FUCA2: variants seen among roughly 807,000 people sequenced by gnomAD.
FUCA2 encodes the protein alpha-L-fucosidase 2.
Under a neutral mutation model 52.6 loss-of-function variants are expected in FUCA2, and 41 were observed. The observed-to-expected ratio is 0.78, with a 90% CI of 0.61 to 1.01. FUCA2 has a LOEUF of 1.01. Among genes scored for constraint, FUCA2 ranks in the 50% least tolerant of loss-of-function variants. The pLI, the probability that FUCA2 is intolerant of heterozygous loss-of-function variation, is 0.00. For missense variants in FUCA2, 507 were observed against 569.5 expected (o/e 0.89, Z 1.12); for synonymous variants, 211 against 217.3 (o/e 0.97, Z 0.26).
Position 143,500,026 on chromosome 6 carries a change from A to G in FUCA2, c.1154+1906T>C, listed in dbSNP as rs112841517. Among the ~76,000 whole-genome samples the G allele has an allele frequency of 4.9e-3, 752 of 152,028 alleles. 3 individuals are homozygous for G. The highest frequency in any genetic ancestry group is 0.017 in the Middle Eastern group (5 of 294). Reference sequence around the variant, plus strand: ...TGACCTTAAAGCCAAAAGTGAGATAATTTTACATTGTATGTGTCTGGGTGC... The same window carrying G: ...TGACCTTAAAGCCAAAAGTGAGATAGTTTTACATTGTATGTGTCTGGGTGC... On this transcript the variant is annotated intron_variant, in intron 5 of 6. Transcript: ENST00000002165. The surrounding 1 kb of genome is among the most constrained non-coding windows in gnomAD (Gnocchi z 6.9).
In FUCA2 at chr6:143,495,983, C is replaced by G; in HGVS notation, c.1264-136G>C. The stretch of plus-strand genomic sequence containing the variant: ...TCATTTTTACCTTTATTTAGTGATT[C>G]ACAATCACTCTTCATCCAATTGAGT... On this transcript the variant is annotated intron_variant, in intron 6 of 6. Coordinates refer to ENST00000002165, the MANE Select transcript of FUCA2 (RefSeq NM_032020.5). This position sits in a 1 kb window ranked among gnomAD's most constrained non-coding sequence, Gnocchi z 5.2. The G allele has an allele frequency of 1.3e-6, 1 of 777,932 alleles. No individual in the cohort carries two copies. The highest frequency in any genetic ancestry group is 2.1e-6 in the Non-Finnish European group (1 of 485,352). The allele number at this position is 777,932 out of a possible 1,614,324, so 48.2% of individuals were successfully genotyped here.
At position 143,502,054 on chromosome 6, in the gene FUCA2, G is replaced by C. The variant is rs1332718088; in HGVS notation, c.1032C>G (p.Thr344=). ...LMNIGPTLDG[T]ISVVFEERLR... is the part of the protein sequence containing the mutation. Reference sequence around the variant, plus strand: ...GTCGCTCCTCAAAAACTACAGAAATGGTGCCATCTAGTGTGGGCCCAATAT... The same window carrying C: ...GTCGCTCCTCAAAAACTACAGAAATCGTGCCATCTAGTGTGGGCCCAATAT... Residue 344 remains threonine, a synonymous_variant, in exon 5 of 7, where the codon ACC becomes ACG. Transcript: ENST00000002165. This position sits in a 1 kb window ranked among gnomAD's most constrained non-coding sequence, Gnocchi z 4.1. 1 of 1,613,506 alleles carries C rather than the reference G, an allele frequency of 6.2e-7. No homozygotes were observed. The highest frequency in any genetic ancestry group is 1.3e-5 in the African/African-American group (1 of 74,790).
In FUCA2 at chr6:143,503,621, A is replaced by G. The variant is rs1232781481; in HGVS notation, c.752+292T>C. Reference sequence around the variant, plus strand: ...AATAGAGGCCATAAAGGACCAGGGTAGGAGAGAAAAAGGGGGGACCCACAA... The same window carrying G: ...AATAGAGGCCATAAAGGACCAGGGTGGGAGAGAAAAAGGGGGGACCCACAA... On this transcript the variant is annotated intron_variant, in intron 3 of 6. Coordinates refer to ENST00000002165, the MANE Select transcript of FUCA2 (RefSeq NM_032020.5). The surrounding 1 kb of genome is among the most constrained non-coding windows in gnomAD (Gnocchi z 4.8). The G allele has an allele frequency of 3.3e-6, 1 of 301,680 alleles. No homozygotes were observed. The highest frequency in any genetic ancestry group is 6.2e-6 in the Non-Finnish European group (1 of 161,984). 18.7% of individuals were successfully genotyped at this position (301,680 alleles called of 1,614,324 possible). A position where few individuals can be genotyped will look rare whatever the true frequency, so the allele number is the denominator to read the frequency against.
chr6:143,511,600 G>A lies in FUCA2; in HGVS notation c.35C>T (p.Pro12Leu), dbSNP rs1269541128. 8 of 1,548,754 alleles carry A rather than the reference G, an allele frequency of 5.2e-6. No homozygotes were observed. Among genetic ancestry groups the A allele is most frequent in the Non-Finnish European group, 7.0e-6 (8 of 1,146,466 alleles). The part of the protein sequence containing the change: ...RPQELPRLAF[P>L]LLLLLLLLLP... ...CAGCAGCAACAGCAACAGCAGCAACGGGAACGCGAGCCTGGGGAGCTCCTG... is the reference window on the plus strand; with the variant it reads ...CAGCAGCAACAGCAACAGCAGCAACAGGAACGCGAGCCTGGGGAGCTCCTG... Residue 12 changes from proline (P) to leucine (L), a missense_variant, in exon 1 of 7, where the codon CCG becomes CTG. Pro to Leu is a moderately conservative substitution (Grantham distance 98, BLOSUM62 -3). Coordinates refer to ENST00000002165, the MANE Select transcript of FUCA2 (RefSeq NM_032020.5). This position sits in a 1 kb window ranked among gnomAD's most constrained non-coding sequence, Gnocchi z 6.3.
chr6:143,496,795 G>A (rs1442674034), intron 6 of FUCA2: 1 of 152,126 alleles, frequency 6.6e-6, no homozygotes, highest in African/African-American at 2.4e-5. Context: ...AGTTTTATGA[G>A]AAGAATCATT....
At chr6:143,498,457 T>C (rs894840365) in intron 5 of FUCA2, among the ~76,000 whole-genome samples, 1 of 152,092 alleles carries the variant, frequency 6.6e-6, no homozygotes, top group Non-Finnish European at 1.5e-5. Flanking sequence ...GAAGACTTCT[T>C]AGAGGTGGCA....
In FUCA2 at chr6:143,503,719, T is replaced by G. The variant is rs1780561545; in HGVS notation, c.752+194A>C. On this transcript the variant is annotated intron_variant, in intron 3 of 6. Coordinates refer to ENST00000002165, the MANE Select transcript of FUCA2 (RefSeq NM_032020.5). The surrounding 1 kb of genome is among the most constrained non-coding windows in gnomAD (Gnocchi z 4.8). Reference sequence around the variant, plus strand: ...CAAAATCAGACCATTGAGTTGGATTTTACTCCTGATTTATTTACCCTTGAT... The same window carrying G: ...CAAAATCAGACCATTGAGTTGGATTGTACTCCTGATTTATTTACCCTTGAT... 1 of 513,330 alleles carries G rather than the reference T, an allele frequency of 1.9e-6. No homozygotes were observed. Among genetic ancestry groups the G allele is most frequent in the Non-Finnish European group, 3.4e-6 (1 of 294,404 alleles). The allele number at this position is 513,330 out of a possible 1,614,324, so 31.8% of individuals were successfully genotyped here.
In FUCA2 at chr6:143,507,520, T is replaced by C; in HGVS notation, c.225-96A>G. Reference sequence around the variant, plus strand: ...CCTTACCATTTACCCCTCACACAGATAGGACCCAGATTCTCTTTCTCACTT... The same window carrying C: ...CCTTACCATTTACCCCTCACACAGACAGGACCCAGATTCTCTTTCTCACTT... On this transcript the variant is annotated intron_variant, in intron 1 of 6. Coordinates refer to ENST00000002165, the MANE Select transcript of FUCA2 (RefSeq NM_032020.5). The surrounding 1 kb of genome is among the most constrained non-coding windows in gnomAD (Gnocchi z 4.5). 2 of 852,044 alleles carry C rather than the reference T, an allele frequency of 2.3e-6. No individual in the cohort carries two copies. The highest frequency in any genetic ancestry group is 6.1e-5 in the Admixed American group (2 of 32,986). The allele number at this position is 852,044 out of a possible 1,614,324, so 52.8% of individuals were successfully genotyped here. A position where few individuals can be genotyped will look rare whatever the true frequency, so the allele number is the denominator to read the frequency against.
In FUCA2 at chr6:143,497,082, C is replaced by A. The variant is rs987112562; in HGVS notation, c.1263+307G>T. 29 of 228,044 alleles carry A rather than the reference C, an allele frequency of 1.3e-4. No homozygotes were observed. The highest frequency in any genetic ancestry group is 5.8e-4 in the African/African-American group (25 of 43,342). 14.1% of individuals were successfully genotyped at this position (228,044 alleles called of 1,614,324 possible). On this transcript the variant is annotated intron_variant, in intron 6 of 6. Coordinates refer to ENST00000002165, the MANE Select transcript of FUCA2 (RefSeq NM_032020.5). This position sits in a 1 kb window ranked among gnomAD's most constrained non-coding sequence, Gnocchi z 5.3. ...TCAAGCAATCCTCCTGCCTCAGCCT[C>A]CTGAGTAACTAGGACTACAGGTGCG... is the stretch of plus-strand genomic sequence containing the variant.
chr6:143,496,213 T>C (rs1450802573), intron 6 of FUCA2: 4 of 184,710 alleles, frequency 2.2e-5, no homozygotes, highest in Non-Finnish European at 4.5e-5. Context: ...CCAGATTTTC[T>C]AATAACCTCC....
rs750441314 is a variant in FUCA2, at chr6:143,511,570, G to GGCA, written c.62_64dup (p.Leu21dup). On this transcript the variant is annotated inframe_insertion, in exon 1 of 7. Transcript: ENST00000002165. This position sits in a 1 kb window ranked among gnomAD's most constrained non-coding sequence, Gnocchi z 6.3. ...GCTGTGGGCAGGGCACGGCGGCGGC[G>GGCA]GCAGCAGCAGCAACAGCAACAGCAG... is the stretch of plus-strand genomic sequence containing the variant. The GGCA allele has an allele frequency of 9.0e-6, 14 of 1,562,738 alleles. No individual in the cohort carries two copies. The highest frequency in any genetic ancestry group is 1.2e-5 in the Non-Finnish European group (14 of 1,154,402).
In FUCA2 at chr6:143,502,989, T is replaced by C. The variant is rs917105467; in HGVS notation, c.753-424A>G. On this transcript the variant is annotated intron_variant, in intron 3 of 6. Transcript: ENST00000002165. The surrounding 1 kb of genome is among the most constrained non-coding windows in gnomAD (Gnocchi z 4.1). ...TGATTCAATGATCTCATACATGTAG[T>C]CTAGCCTTTCTTTTTCTCTTACCAT... The C allele has an allele frequency of 1.3e-5, 2 of 158,304 alleles. No homozygotes were observed. The highest frequency in any genetic ancestry group is 2.8e-5 in the Non-Finnish European group (2 of 71,538). The allele number at this position is 158,304 out of a possible 1,614,324, so 9.8% of individuals were successfully genotyped here. A position where few individuals can be genotyped will look rare whatever the true frequency, so the allele number is the denominator to read the frequency against.
chr6:143,511,298 AC>A lies in FUCA2; in HGVS notation c.224+112del. ...CGCGGGTAACGCAGTGGGAGGTGAA[AC>A]CGACGAGGGTGCAGGCAGCACCAGG... On this transcript the variant is annotated intron_variant, in intron 1 of 6. Transcript: ENST00000002165. The surrounding 1 kb of genome is among the most constrained non-coding windows in gnomAD (Gnocchi z 6.3). 1.0e-6 allele frequency: 1 copy of A among 967,264 alleles called. No individual in the cohort carries two copies. Among genetic ancestry groups the A allele is most frequent in the East Asian group, 2.9e-5 (1 of 33,980 alleles). 59.9% of individuals were successfully genotyped at this position (967,264 alleles called of 1,614,324 possible). A position where few individuals can be genotyped will look rare whatever the true frequency, so the allele number is the denominator to read the frequency against.
Position 143,507,291 on chromosome 6 carries a change from T to C in FUCA2, c.358A>G (p.Ile120Val), listed in dbSNP as rs771772603. The C allele has an allele frequency of 1.9e-6, 3 of 1,605,732 alleles. No homozygotes were observed. Among genetic ancestry groups the C allele is most frequent in the Non-Finnish European group, 2.5e-6 (3 of 1,177,282 alleles). ...TATTTGGCACCAGAGGCCTGAAAAA[T>C]ATCTGCCCACTGGTTGGCATTAAAA... ...KFFNANQWADIFQASGAKYIV... is the reference protein window; with the variant it reads ...KFFNANQWADVFQASGAKYIV... The change falls in exon 2 of 7, where the codon ATT (isoleucine) becomes GTT (valine). Residue 120 changes from isoleucine to valine, a missense_variant. Coordinates refer to ENST00000002165, the MANE Select transcript of FUCA2 (RefSeq NM_032020.5). The surrounding 1 kb of genome is among the most constrained non-coding windows in gnomAD (Gnocchi z 4.5).
At position 143,511,319 on chromosome 6, in the gene FUCA2, A is replaced by G. The variant is rs968893282; in HGVS notation, c.224+92T>C. ...TGAAACCGACGAGGGTGCAGGCAGCACCAGGCGGCGAACCAGGCCCGCTGG... is the reference window on the plus strand; with the variant it reads ...TGAAACCGACGAGGGTGCAGGCAGCGCCAGGCGGCGAACCAGGCCCGCTGG... On this transcript the variant is annotated intron_variant, in intron 1 of 6. Transcript: ENST00000002165. The surrounding 1 kb of genome is among the most constrained non-coding windows in gnomAD (Gnocchi z 6.3). 2.1e-5 allele frequency: 26 copies of G among 1,212,598 alleles called. No individual in the cohort carries two copies. The highest frequency in any genetic ancestry group is 2.9e-5 in the Non-Finnish European group (25 of 871,728). The allele number at this position is 1,212,598 out of a possible 1,614,324, so 75.1% of individuals were successfully genotyped here. A position where few individuals can be genotyped will look rare whatever the true frequency, so the allele number is the denominator to read the frequency against.
At position 143,507,473 on chromosome 6, in the gene FUCA2, T is replaced by C; in HGVS notation, c.225-49A>G. ...GCATAAACAGCACATACACACATAT[T>C]TAAAAGAACTGCTCCAGCTCCCCTT... is the stretch of plus-strand genomic sequence containing the variant. On this transcript the variant is annotated intron_variant, in intron 1 of 6. Transcript: ENST00000002165. The surrounding 1 kb of genome is among the most constrained non-coding windows in gnomAD (Gnocchi z 4.5). The C allele has an allele frequency of 1.5e-6, 2 of 1,308,490 alleles. No homozygotes were observed. Among genetic ancestry groups the C allele is most frequent in the South Asian group, 1.5e-5 (1 of 67,038 alleles). 81.1% of individuals were successfully genotyped at this position (1,308,490 alleles called of 1,614,324 possible).
Position 143,511,380 on chromosome 6 carries a change from C to A in FUCA2, c.224+31G>T, listed in dbSNP as rs919705872. ...GAGGCTGCGGGTGGGGACAAAAGCGCGGCAGACGAGACAAAAGGGAGCGCA... is the reference window on the plus strand; with the variant it reads ...GAGGCTGCGGGTGGGGACAAAAGCGAGGCAGACGAGACAAAAGGGAGCGCA... On this transcript the variant is annotated intron_variant, in intron 1 of 6. Coordinates refer to ENST00000002165, the MANE Select transcript of FUCA2 (RefSeq NM_032020.5). This position sits in a 1 kb window ranked among gnomAD's most constrained non-coding sequence, Gnocchi z 6.3. 4 of 1,563,794 alleles carry A rather than the reference C, an allele frequency of 2.6e-6. No homozygotes were observed. In the African/African-American group the frequency reaches 5.5e-5, roughly 21 times the overall value.
rs775205378 is a variant in FUCA2, at chr6:143,500,051, C to T, written c.1154+1881G>A. Among the ~76,000 whole-genome samples, 13 of 150,208 alleles carry T rather than the reference C, an allele frequency of 8.7e-5. No individual in the cohort carries two copies. The Middle Eastern group carries it at 0.011, about 122-fold the overall frequency. ...ATTTTACATTGTATGTGTCTGGGTGCGTGTGTGTGTGTGTGTGTTTCCATA... is the reference window on the plus strand; with the variant it reads ...ATTTTACATTGTATGTGTCTGGGTGTGTGTGTGTGTGTGTGTGTTTCCATA... On this transcript the variant is annotated intron_variant, in intron 5 of 6. Coordinates refer to ENST00000002165, the MANE Select transcript of FUCA2 (RefSeq NM_032020.5). The surrounding 1 kb of genome is among the most constrained non-coding windows in gnomAD (Gnocchi z 6.9).
Position 143,502,225 on chromosome 6 carries a change from C to A in FUCA2, c.964-103G>T. ...TTTATACATGTATATATAGTCACTG[C>A]CTAGAAGAACAAACACAGGATAGAA... On this transcript the variant is annotated intron_variant, in intron 4 of 6. Coordinates refer to ENST00000002165, the MANE Select transcript of FUCA2 (RefSeq NM_032020.5). This position sits in a 1 kb window ranked among gnomAD's most constrained non-coding sequence, Gnocchi z 4.1. 3 of 1,316,216 alleles carry A rather than the reference C, an allele frequency of 2.3e-6. No homozygotes were observed. Among genetic ancestry groups the A allele is most frequent in the Non-Finnish European group, 3.2e-6 (3 of 951,024 alleles). 81.5% of individuals were successfully genotyped at this position (1,316,216 alleles called of 1,614,324 possible).
Sources: allele counts gnomAD v4.1 joint callset (sites outside exome capture counted in the v4.1 genomes callset), GRCh38; gene constraint gnomAD v4.1.1; non-coding constraint Gnocchi (gnomAD v3.1); transcripts MANE v1.5; gene names NCBI Gene and HGNC (gene_info 2026-07-23, HGNC 2026-07-21).